The following TSPAN5 variants were observed in gnomAD, a reference collection of about 807,000 sequenced individuals.
The protein encoded by TSPAN5 is tetraspanin 5, also known as tetraspanin-5.
In TSPAN5, 10 loss-of-function variants were observed where a neutral mutation model predicts 37.1. The ratio of observed to expected loss-of-function variants is 0.27; its 90% CI spans 0.17 to 0.46. The LOEUF (loss-of-function observed/expected upper bound fraction) is 0.46. Among genes scored for constraint, TSPAN5 ranks in the 20% least tolerant of loss-of-function variants. TSPAN5 has a pLI of 1.00. For synonymous variants in TSPAN5, 110 were observed against 118.9 expected (o/e 0.93, Z 0.48); for missense variants, 195 against 326.6 (o/e 0.60, Z 3.11).
At chr4:98,578,343 AT>A (rs1209844041) in intron 1 of TSPAN5, among the ~76,000 whole-genome samples, 19 of 152,336 alleles carry the variant, frequency 1.2e-4, no homozygotes, top group Admixed American at 7.8e-4. Flanking sequence ...CAGTTTGTCT[AT>A]TCACAGATGA....
At chr4:98,658,033 C>T in intron 1 of TSPAN5, 113 bp downstream of exon 1, 1 of 932,918 alleles carries the variant, frequency 1.1e-6, no homozygotes, top group Non-Finnish European at 1.8e-6. Context: ...CTCTATGCTG[C>T]TCCGGCAAGC....
chr4:98,484,092 C>A (rs980084329), intron 3 of TSPAN5: 6 of 182,386 alleles, frequency 3.3e-5, no homozygotes, highest in Non-Finnish European at 7.0e-5. Flanking sequence ...TTTTCCAGTT[C>A]CCCTGGTAAA....
At chr4:98,521,175 C>T (rs1753846879) in intron 1 of TSPAN5, among the ~76,000 whole-genome samples, 1 of 152,236 alleles carries the variant, frequency 6.6e-6, no homozygotes, top group Non-Finnish European at 1.5e-5. Context: ...CGTGATCCAC[C>T]TGCCTCGGCT....
At chr4:98,612,954 G>A (rs977325868) in intron 1 of TSPAN5, among the ~76,000 whole-genome samples, 6 of 152,012 alleles carry the variant, frequency 3.9e-5, no homozygotes, top group South Asian at 2.1e-4. Flanking sequence ...TTTTTTCACC[G>A]TAGCACTTAT....
intron 2 of TSPAN5, among the ~76,000 whole-genome samples, chr4:98,506,447 AT>A (rs970435666): frequency 2.6e-5 from 4 of 152,256 alleles, no homozygotes; most frequent in African/African-American, 9.6e-5. Context: ...TCCATAAAAC[AT>A]TTTACATTCT....
In TSPAN5 at chr4:98,658,154, T is replaced by C; in HGVS notation, c.73A>G (p.Ile25Val). Residue 25 changes from isoleucine (I) to valine (V), a missense_variant, in exon 1 of 8, where the codon ATA becomes GTA. By Grantham distance (29) the Ile-to-Val change is conservative (BLOSUM62 3). Transcript: ENST00000305798. ...IKYFIFGFNVIFWFLGITFLG... is the reference protein window; with the variant it reads ...IKYFIFGFNVVFWFLGITFLG... Reference sequence around the variant, plus strand: ...GGAGCGCTCCAACTTACCCAAAATATGACATTGAAGCCAAATATGAAGTAT... The same window carrying C: ...GGAGCGCTCCAACTTACCCAAAATACGACATTGAAGCCAAATATGAAGTAT... 1 of 1,613,698 alleles carries C rather than the reference T, an allele frequency of 6.2e-7. No homozygotes were observed. The highest frequency in any genetic ancestry group is 8.5e-7 in the Non-Finnish European group (1 of 1,179,640).
intron 7 of TSPAN5, among the ~76,000 whole-genome samples, chr4:98,474,604 T>TC: frequency 6.6e-6 from 1 of 152,274 alleles, no homozygotes; most frequent in South Asian, 2.1e-4. Context: ...TGACTCAGCC[T>TC]CCCAAAGTTC....
rs556704596 is a variant in TSPAN5, at chr4:98,480,151, G to A, written c.451-1341C>T. On this transcript the variant is annotated intron_variant, in intron 4 of 7. Coordinates refer to ENST00000305798, the MANE Select transcript of TSPAN5 (RefSeq NM_005723.4). ...GATCCCTGTTGCATTGCAGGCTGCTGGCCAGATCCCGCAATAATGGAGGTA... is the reference window on the plus strand; with the variant it reads ...GATCCCTGTTGCATTGCAGGCTGCTAGCCAGATCCCGCAATAATGGAGGTA... Among the ~76,000 whole-genome samples the A allele has an allele frequency of 1.6e-4, 24 of 152,190 alleles. 1 individual carries two copies. In the South Asian group the frequency reaches 1.7e-3, roughly 11 times the overall value.
intron 2 of TSPAN5, among the ~76,000 whole-genome samples, chr4:98,503,555 T>A (rs1753405295): frequency 6.6e-6 from 1 of 152,186 alleles, no homozygotes; most frequent in Non-Finnish European, 1.5e-5. Context: ...TAGTGGGACA[T>A]GATTCTAATT....
rs1257118507 is a variant in TSPAN5 at position 98,507,716 on chromosome 4, T to C, written c.94A>G (p.Thr32Ala). The C allele has an allele frequency of 1.9e-6, 3 of 1,611,152 alleles. No homozygotes were observed. The Admixed American group carries it at 5.0e-5, about 27-fold the overall frequency. Residue 32 changes from threonine to alanine, a missense_variant, in exon 2 of 8, where the codon ACA (threonine) becomes GCA (alanine). Thr to Ala is a moderately conservative substitution (Grantham distance 58). Coordinates refer to ENST00000305798, the MANE Select transcript of TSPAN5 (RefSeq NM_005723.4). ...GCCCACAGTCCAATTCCAAGAAATG[T>C]TATTCCCAAAAACTGAAAAAGAAAG... Reference protein sequence around the residue: ...FNVIFWFLGITFLGIGLWAWN... With the variant: ...FNVIFWFLGIAFLGIGLWAWN...
chr4:98,546,194 G>A (rs1754465892), intron 1 of TSPAN5, among the ~76,000 whole-genome samples: 1 of 152,182 alleles, frequency 6.6e-6, no homozygotes, highest in Admixed American at 6.5e-5. Context: ...CAGAGACCCA[G>A]GACCAAGCAA....
intron 3 of TSPAN5, among the ~76,000 whole-genome samples, chr4:98,485,796 T>A (rs1181782061): frequency 6.8e-6 from 1 of 147,318 alleles, no homozygotes; most frequent in Non-Finnish European, 1.5e-5. Context: ...AATGAGAATG[T>A]CCCTGGATGA....
At position 98,611,487 on chromosome 4, in the gene TSPAN5, C is replaced by T. The variant is rs139806075; in HGVS notation, c.81+46659G>A. Among the ~76,000 whole-genome samples the T allele has an allele frequency of 7.1e-3, 1,086 of 152,310 alleles. 7 individuals carry two copies. Among genetic ancestry groups the T allele is most frequent in the Admixed American group, 0.011 (172 of 15,294 alleles). ...GGAAATCTGCCATACCAGAATATTA[C>T]TATTTTTGACAAGAAGCTGAAATGT... On this transcript the variant is annotated intron_variant, in intron 1 of 7. Transcript: ENST00000305798.
chr4:98,494,588 C>T (rs376523009), intron 2 of TSPAN5, among the ~76,000 whole-genome samples: 2 of 151,976 alleles, frequency 1.3e-5, no homozygotes, highest in African/African-American at 4.8e-5. Context: ...AATCCAAACA[C>T]GATGTGAAGT....
intron 1 of TSPAN5, among the ~76,000 whole-genome samples, chr4:98,557,903 C>G (rs1489666090): frequency 6.6e-6 from 1 of 152,146 alleles, no homozygotes; most frequent in Non-Finnish European, 1.5e-5. Context: ...TTCCTCAAAA[C>G]TGTCAAGATC....
At chr4:98,646,910 T>C (rs1757081443) in intron 1 of TSPAN5, among the ~76,000 whole-genome samples, 1 of 152,196 alleles carries the variant, frequency 6.6e-6, no homozygotes, top group South Asian at 2.1e-4. Context: ...ATCCTCAGGA[T>C]TCCGAGATAG....
At position 98,507,730 on chromosome 4, in the gene TSPAN5, T is replaced by C; in HGVS notation, c.82-2A>G. Reference sequence around the variant, plus strand: ...TCCAAGAAATGTTATTCCCAAAAACTGAAAAAGAAAGAAAGCAGTGTAAAT... The same window carrying C: ...TCCAAGAAATGTTATTCCCAAAAACCGAAAAAGAAAGAAAGCAGTGTAAAT... On this transcript the variant is annotated splice_acceptor_variant, in intron 1 of 7. Transcript: ENST00000305798. LOFTEE classifies it high-confidence loss of function. 6.2e-7 allele frequency: 1 copy of C among 1,607,362 alleles called. No homozygotes were observed.
At chr4:98,474,470 C>T (rs1289807350) in intron 7 of TSPAN5, among the ~76,000 whole-genome samples, 3 of 152,088 alleles carry the variant, frequency 2.0e-5, no homozygotes, top group Non-Finnish European at 2.9e-5. Context: ...TCCTCAGCCC[C>T]CCAAGTAGCT....
At chr4:98,524,145 A>G (rs1263531388) in intron 1 of TSPAN5, among the ~76,000 whole-genome samples, 1 of 152,264 alleles carries the variant, frequency 6.6e-6, no homozygotes. Context: ...CAGTTAATCT[A>G]GCAGATTTGT....
Sources: gnomAD v4.1 joint callset for allele counts (sites outside exome capture counted in the v4.1 genomes callset) on GRCh38, gnomAD v4.1.1 for gene constraint, MANE v1.5 for transcripts, NCBI Gene and HGNC (gene_info 2026-07-23, HGNC 2026-07-21) for gene names.